The following FREM2 variants were observed in gnomAD, a reference collection of about 807,000 sequenced individuals.
FREM2 encodes the protein FRAS1-related extracellular matrix protein 2.
A neutral mutation model predicts 219.9 loss-of-function variants in FREM2; 119 were observed. That is an observed-to-expected ratio of 0.54 (90% CI 0.47 to 0.63). The LOEUF (loss-of-function observed/expected upper bound fraction) is 0.63, where lower values mean the gene tolerates loss of function less well. FREM2 is among the 30% of genes least tolerant of loss of function. The probability of loss-of-function intolerance (pLI) is 0.00; values close to 1 mark genes in which losing one functional copy is unlikely to be tolerated. For missense variants in FREM2, 4,030 were observed against 3,993.6 expected, an observed-to-expected ratio of 1.01 and a Z score of -0.25; for synonymous variants, 1,562 against 1,522.8, an observed-to-expected ratio of 1.03 and a Z score of -0.60.
At chr13:38,704,100 T>C (rs1167103463) in intron 2 of FREM2, among the ~76,000 whole-genome samples, 2 of 152,216 alleles carry the variant, frequency 1.3e-5, no homozygotes, top group Non-Finnish European at 2.9e-5. Flanking sequence ...CCTAAGATAA[T>C]GCAACAGATA....
chr13:38,846,822 A>G (rs1877175830), intron 7 of FREM2, 100 bp downstream of exon 7: 2 of 1,336,698 alleles, frequency 1.5e-6, no homozygotes, highest in South Asian at 1.2e-5. Flanking sequence ...CTATTAAAGC[A>G]GTTGGCTGGG....
At chr13:38,779,327 T>C (rs1391835705) in intron 4 of FREM2, 3 of 151,902 alleles carry the variant, frequency 2.0e-5, no homozygotes, top group African/African-American at 7.3e-5. Context: ...CAAACCACCA[T>C]CGCCCATGTA....
At chr13:38,837,891 G>A (rs989093589) in intron 6 of FREM2, among the ~76,000 whole-genome samples, 2 of 151,880 alleles carry the variant, frequency 1.3e-5, no homozygotes, top group Admixed American at 6.6e-5. Flanking sequence ...ACAGCACACC[G>A]ATGGGTCTTG....
intron 2 of FREM2, among the ~76,000 whole-genome samples, chr13:38,700,315 A>G (rs901669783): frequency 8.6e-5 from 13 of 152,030 alleles, no homozygotes; most frequent in African/African-American, 3.1e-4. Context: ...TAAAAGGACT[A>G]TGCTTGGGAA....
At chr13:38,807,189 T>TTATATATA (rs59551341) in intron 6 of FREM2, among the ~76,000 whole-genome samples, 1,167 of 44,996 alleles carry the variant, frequency 0.026, 25 homozygotes, top group Non-Finnish European at 0.032. Flanking sequence ...CTTGTCTCTG[T>TTATATATA]TATATATATA....
chr13:38,756,928 G>A (rs550076157), intron 2 of FREM2, among the ~76,000 whole-genome samples: 1 of 152,156 alleles, frequency 6.6e-6, no homozygotes, highest in South Asian at 2.1e-4. Flanking sequence ...CTGTGAATAG[G>A]ATACTTCTTT....
chr13:38,861,518 A>G lies in FREM2; in HGVS notation c.7607A>G (p.Tyr2536Cys). Reference sequence around the variant, plus strand: ...TACACAGGCCCTGAGGATGCAGACTACACAAACCTTATCAAGCTCACTGTC... The same window carrying G: ...TACACAGGCCCTGAGGATGCAGACTGCACAAACCTTATCAAGCTCACTGTC... ...LRYTGPEDAD[Y>C]TNLIKLTVTM... Residue 2536 changes from tyrosine to cysteine, a missense_variant, in exon 15 of 24, where the codon TAC (tyrosine) becomes TGC (cysteine). By Grantham distance (194) the Tyr-to-Cys change is radical. Around this residue, in one of 2 missense-constraint regions of FREM2, gnomAD observed 928 missense variants for 1,042.9 expected, o/e 0.89. Transcript: ENST00000280481. 1.9e-6 allele frequency: 3 copies of G among 1,614,016 alleles called. No individual in the cohort carries two copies. Among genetic ancestry groups the G allele is most frequent in the South Asian group, 1.1e-5 (1 of 91,074 alleles).
chr13:38,784,764 A>T lies in FREM2; in HGVS notation c.5975A>T (p.Glu1992Val). 1 of 1,614,194 alleles carries T rather than the reference A, an allele frequency of 6.2e-7. No individual in the cohort carries two copies. The highest frequency in any genetic ancestry group is 1.1e-5 in the South Asian group (1 of 91,088). Reference sequence around the variant, plus strand: ...CCCATGGGGGGAAGAATCGGATCAGAGTTCCCAGGGGCTCAAGTTACAATC... The same window carrying T: ...CCCATGGGGGGAAGAATCGGATCAGTGTTCCCAGGGGCTCAAGTTACAATC... Reference protein sequence around the residue: ...SMPMGGRIGSEFPGAQVTIVP... With the variant: ...SMPMGGRIGSVFPGAQVTIVP... The change falls in exon 6 of 24, where the codon GAG (glutamate) becomes GTG (valine). Residue 1992 changes from glutamate to valine, a missense_variant. Around this residue, in one of 2 missense-constraint regions of FREM2, gnomAD observed 3,102 missense variants for 2,950.7 expected, o/e 1.05. Coordinates refer to ENST00000280481, the MANE Select transcript of FREM2 (RefSeq NM_207361.6).
At chr13:38,742,052 A>G (rs1036280350) in intron 2 of FREM2, among the ~76,000 whole-genome samples, 2 of 152,206 alleles carry the variant, frequency 1.3e-5, no homozygotes, top group African/African-American at 4.8e-5. Flanking sequence ...TAGCATCTAA[A>G]TTACAATAAT....
At position 38,687,977 on chromosome 13, in the gene FREM2, C is replaced by T. The variant is rs769480074; in HGVS notation, c.633C>T (p.Pro211=). 1.2e-6 allele frequency: 2 copies of T among 1,612,858 alleles called. No individual in the cohort carries two copies. Among genetic ancestry groups the T allele is most frequent in the African/African-American group, 2.7e-5 (2 of 74,934 alleles). ...DARSLEFAFQ[P]ETEECRVGIL... Reference sequence around the variant, plus strand: ...GGAGCCTGGAGTTCGCCTTCCAGCCCGAGACAGAGGAGTGCCGCGTGGGCA... The same window carrying T: ...GGAGCCTGGAGTTCGCCTTCCAGCCTGAGACAGAGGAGTGCCGCGTGGGCA... The change falls in exon 1 of 24, where the codon CCC becomes CCT. Residue 211 remains proline, a synonymous_variant. Coordinates refer to ENST00000280481, the MANE Select transcript of FREM2 (RefSeq NM_207361.6).
rs536361511 is a variant in FREM2, at chr13:38,785,265, C to G, written c.6019+457C>G. On this transcript the variant is annotated intron_variant, in intron 6 of 23. Coordinates refer to ENST00000280481, the MANE Select transcript of FREM2 (RefSeq NM_207361.6). ...TAGTAAACATAGGGAAAATTAAGTC[C>G]AACAAGCCACTCTGCCCCAAAACAG... 2.0e-5 allele frequency among the ~76,000 whole-genome samples: 3 copies of G among 152,232 alleles called. No individual in the cohort carries two copies. In the East Asian group the frequency reaches 5.8e-4, roughly 29 times the overall value.
At chr13:38,716,064 A>G (rs939249744) in intron 2 of FREM2, among the ~76,000 whole-genome samples, 1 of 152,160 alleles carries the variant, frequency 6.6e-6, no homozygotes. Context: ...TTACTTTAAA[A>G]TAGTTAAAGG....
In FREM2 at chr13:38,818,839, C is replaced by A. The variant is rs866175667; in HGVS notation, c.6020-27734C>A. ...TTAGTGGGGCAGAGGTTGCAGTGAG[C>A]CAAGATCGCACCACTACACTCTAGT... is the stretch of plus-strand genomic sequence containing the variant. On this transcript the variant is annotated intron_variant, in intron 6 of 23. Coordinates refer to ENST00000280481, the MANE Select transcript of FREM2 (RefSeq NM_207361.6). Among the ~76,000 whole-genome samples the A allele has an allele frequency of 2.0e-5, 3 of 151,772 alleles. 1 individual carries two copies. The highest frequency in any genetic ancestry group is 4.4e-5 in the Non-Finnish European group (3 of 67,944).
chr13:38,766,205 C>CT (rs969716048), intron 3 of FREM2, among the ~76,000 whole-genome samples: 3 of 151,460 alleles, frequency 2.0e-5, no homozygotes, highest in South Asian at 2.1e-4. Flanking sequence ...ATTTTTTTGC[C>CT]TTTTTTTTTC....
intron 6 of FREM2, among the ~76,000 whole-genome samples, chr13:38,791,482 A>G (rs1277485481): frequency 6.6e-6 from 1 of 152,216 alleles, no homozygotes; most frequent in Admixed American, 6.5e-5. Flanking sequence ...AAAATGGATA[A>G]TTTATAAAGA....
chr13:38,843,352 A>G (rs988527781), intron 6 of FREM2, among the ~76,000 whole-genome samples: 1 of 152,092 alleles, frequency 6.6e-6, no homozygotes, highest in Non-Finnish European at 1.5e-5. Flanking sequence ...GTTTACTTCA[A>G]ATTGTACTGG....
Position 38,687,735 on chromosome 13 carries a change from T to C in FREM2, c.391T>C (p.Phe131Leu). 1 of 1,546,302 alleles carries C rather than the reference T, an allele frequency of 6.5e-7. No homozygotes were observed. Among genetic ancestry groups the C allele is most frequent in the Non-Finnish European group, 8.7e-7 (1 of 1,143,500 alleles). Reference sequence around the variant, plus strand: ...GAGTCCCAAGCGCTTCCCGTGCGACTTTGGCCCTGGCGAGGTGCGCTACTC... The same window carrying C: ...GAGTCCCAAGCGCTTCCCGTGCGACCTTGGCCCTGGCGAGGTGCGCTACTC... ...RLSPKRFPCD[F>L]GPGEVRYSHL... The change falls in exon 1 of 24, where the codon TTT becomes CTT. Residue 131 changes from phenylalanine to leucine, a missense_variant. Phe to Leu is a conservative substitution (Grantham distance 22, BLOSUM62 0). Coordinates refer to ENST00000280481, the MANE Select transcript of FREM2 (RefSeq NM_207361.6).
intron 6 of FREM2, among the ~76,000 whole-genome samples, chr13:38,818,085 G>A (rs1327387047): frequency 1.3e-5 from 2 of 152,126 alleles, no homozygotes; most frequent in African/African-American, 2.4e-5. Context: ...CTGTTGGTGA[G>A]GTTGTAAGCT....
chr13:38,739,350 G>T (rs2137777900), intron 2 of FREM2, among the ~76,000 whole-genome samples: 1 of 152,258 alleles, frequency 6.6e-6, no homozygotes, highest in South Asian at 2.1e-4. Flanking sequence ...GGGACAGGGA[G>T]ACCTACTGGC....
Sources: allele counts gnomAD v4.1 joint callset (sites outside exome capture counted in the v4.1 genomes callset), GRCh38; gene constraint gnomAD v4.1.1; regional missense constraint gnomAD v4.1.1; transcripts MANE v1.5; gene names NCBI Gene and HGNC (gene_info 2026-07-23, HGNC 2026-07-21).